Variants in ZNF675 observed in about 807,000 individuals in gnomAD.
The protein encoded by ZNF675 is TRAF6 inhibitory zinc finger.
Under a neutral mutation model 56.1 loss-of-function variants are expected in ZNF675, and 36 were observed. The observed-to-expected ratio is 0.64, with a 90% CI of 0.49 to 0.85. The LOEUF (loss-of-function observed/expected upper bound fraction) is 0.85. ZNF675 is among the 40% of genes least tolerant of loss of function. ZNF675 has a pLI of 0.00. For synonymous variants in ZNF675, 200 were observed against 218.9 expected (o/e 0.91, Z 0.76); for missense variants, 663 against 654.2 (o/e 1.01, Z -0.15).
At chr19:23,678,637 G>A (rs1968333681) in intron 1 of ZNF675, among the ~76,000 whole-genome samples, 1 of 146,858 alleles carries the variant, frequency 6.8e-6, no homozygotes, top group African/African-American at 2.6e-5. Context: ...ACTTTTCTAA[G>A]CAAAAATAAC....
chr19:23,683,587 G>C (rs8103995), intron 1 of ZNF675, among the ~76,000 whole-genome samples: 1 of 151,946 alleles, frequency 6.6e-6, no homozygotes, highest in Non-Finnish European at 1.5e-5. Context: ...ATGCCCGGCT[G>C]ATTTTTGTAT....
At chr19:23,664,433 T>C (rs1289615425) in intron 1 of ZNF675, among the ~76,000 whole-genome samples, 1 of 152,146 alleles carries the variant, frequency 6.6e-6, no homozygotes, top group East Asian at 1.9e-4. Context: ...GAGATAAAAG[T>C]AAAAGTTCCT....
At chr19:23,667,550 G>A (rs562160783) in intron 1 of ZNF675, among the ~76,000 whole-genome samples, 72 of 152,150 alleles carry the variant, frequency 4.7e-4, no homozygotes, top group African/African-American at 1.6e-3. Flanking sequence ...ACAGAGTATC[G>A]ACACAAAGGT....
At chr19:23,663,678 T>C (rs1055516421) in intron 1 of ZNF675, among the ~76,000 whole-genome samples, 23 of 152,208 alleles carry the variant, frequency 1.5e-4, no homozygotes, top group East Asian at 5.8e-4. Flanking sequence ...GATCGTACCA[T>C]TGCACTCCAG....
At chr19:23,683,066 G>A (rs1381344731) in intron 1 of ZNF675, among the ~76,000 whole-genome samples, 4 of 151,340 alleles carry the variant, frequency 2.6e-5, no homozygotes, top group African/African-American at 4.9e-5. Context: ...GTGCGCATCT[G>A]TAATCCCAGC....
At chr19:23,669,669 C>T (rs760246836) in intron 1 of ZNF675, among the ~76,000 whole-genome samples, 2 of 151,898 alleles carry the variant, frequency 1.3e-5, no homozygotes, top group African/African-American at 2.4e-5. Flanking sequence ...GTCAGGAGTT[C>T]GAGACCTGCC....
At chr19:23,655,812 C>G (rs1158936516) in intron 3 of ZNF675, 1 of 152,178 alleles carries the variant, frequency 6.6e-6, no homozygotes, top group African/African-American at 2.4e-5. Flanking sequence ...CAAATCAAGT[C>G]TTATTAAATT....
intron 1 of ZNF675, among the ~76,000 whole-genome samples, chr19:23,668,736 G>C (rs1276598157): frequency 6.6e-5 from 10 of 152,230 alleles, no homozygotes; most frequent in Admixed American, 5.9e-4. Context: ...CACTGCTGGG[G>C]GACCCAGTAC....
chr19:23,667,088 C>T lies in ZNF675; in HGVS notation c.4-3930G>A, dbSNP rs376867114. ...GTTCCTTCTGATGTTCAGATGTGTTCGGAGTTTCTTCCTTCTGGTGGGTTC... is the reference window on the plus strand; with the variant it reads ...GTTCCTTCTGATGTTCAGATGTGTTTGGAGTTTCTTCCTTCTGGTGGGTTC... On this transcript the variant is annotated intron_variant, in intron 1 of 3. Transcript: ENST00000359788. Among the ~76,000 whole-genome samples, 63 of 151,988 alleles carry T rather than the reference C, an allele frequency of 4.1e-4. 2 individuals carry two copies. In the South Asian group the frequency reaches 9.4e-3, roughly 23 times the overall value.
intron 1 of ZNF675, among the ~76,000 whole-genome samples, chr19:23,669,492 T>G (rs150430096): frequency 5.3e-5 from 8 of 150,384 alleles, no homozygotes; most frequent in South Asian, 2.1e-4. Context: ...GGTGGGGGGG[T>G]GGGGGGAGCT....
chr19:23,668,180 A>G (rs939232943), intron 1 of ZNF675, among the ~76,000 whole-genome samples: 1 of 151,496 alleles, frequency 6.6e-6, no homozygotes, highest in Non-Finnish European at 1.5e-5. Flanking sequence ...ACCTTGAGCT[A>G]GATACAGAGT....
chr19:23,653,259 ATG>A lies in ZNF675; in HGVS notation c.1672_1673del (p.His558TyrfsTer54). ...TCCAGTTCTGTAGTTTCTCTCCAGTATGTATTTTTTTATGTTTAGTAAGGTTT... is the reference window on the plus strand; with the variant it reads ...TCCAGTTCTGTAGTTTCTCTCCAGTATATTTTTTTATGTTTAGTAAGGTTT... ...SANLTKHKKI[H>X]TGEKLQNWNV is the part of the protein sequence containing the mutation. On this transcript the variant is annotated frameshift_variant, in exon 4 of 4. Transcript: ENST00000359788. LOFTEE classifies it high-confidence loss of function. 1 of 1,609,604 alleles carries A rather than the reference ATG, an allele frequency of 6.2e-7. No homozygotes were observed. The highest frequency in any genetic ancestry group is 2.2e-5 in the East Asian group (1 of 44,784).
intron 3 of ZNF675, among the ~76,000 whole-genome samples, chr19:23,658,900 T>TATATCTATATAGATATAGAAATAG (rs1555706364): frequency 1.2e-3 from 30 of 24,180 alleles, no homozygotes; most frequent in African/African-American, 2.5e-3. Flanking sequence ...GATCTATAGA[T>TATATCTATATAGATATAGAAATAG]ATCTATAGAT....
At position 23,668,564 on chromosome 19, in the gene ZNF675, G is replaced by A. The variant is rs143042176; in HGVS notation, c.4-5406C>T. ...CCTTGGGCGGTCGATGGGACTGGGC[G>A]CCGTGGAGCAGGGAGCGGCATCCGT... is the stretch of plus-strand genomic sequence containing the variant. On this transcript the variant is annotated intron_variant, in intron 1 of 3. Transcript: ENST00000359788. Among the ~76,000 whole-genome samples, 932 of 152,346 alleles carry A rather than the reference G, an allele frequency of 6.1e-3. 8 individuals are homozygous for A. Among genetic ancestry groups the A allele is most frequent in the African/African-American group, 0.021 (894 of 41,584 alleles).
intron 1 of ZNF675, among the ~76,000 whole-genome samples, chr19:23,667,612 C>G (rs1234019391): frequency 3.9e-5 from 6 of 152,108 alleles, no homozygotes; most frequent in Non-Finnish European, 7.4e-5. Flanking sequence ...GGTGCACTCA[C>G]AAACCCTGAG....
At chr19:23,665,625 C>CCT in intron 1 of ZNF675, among the ~76,000 whole-genome samples, 1 of 151,950 alleles carries the variant, frequency 6.6e-6, no homozygotes, top group Non-Finnish European at 1.5e-5. Flanking sequence ...CCTTGAGTAG[C>CCT]TGGGATAACA....
chr19:23,660,932 CT>C (rs56888844), intron 3 of ZNF675, among the ~76,000 whole-genome samples: 110,285 of 119,866 alleles, frequency 0.92, 50,699 homozygotes, highest in Middle Eastern at 0.96. Flanking sequence ...TTGTAATTTT[CT>C]TTTTTTTTTT....
At chr19:23,669,815 T>C (rs948336564) in intron 1 of ZNF675, among the ~76,000 whole-genome samples, 5 of 151,404 alleles carry the variant, frequency 3.3e-5, no homozygotes, top group Non-Finnish European at 7.4e-5. Flanking sequence ...ATCATGCCAC[T>C]GCACTCCAGC....
At chr19:23,660,587 A>G (rs1043740582) in intron 3 of ZNF675, among the ~76,000 whole-genome samples, 2 of 152,202 alleles carry the variant, frequency 1.3e-5, no homozygotes, top group African/African-American at 4.8e-5. Flanking sequence ...ATAGAGAAAA[A>G]AACTTATTTA....
Sources: allele counts gnomAD v4.1 joint callset (sites outside exome capture counted in the v4.1 genomes callset), GRCh38; gene constraint gnomAD v4.1.1; transcripts MANE v1.5; gene names NCBI Gene and HGNC (gene_info 2026-07-23, HGNC 2026-07-21).